The following CACNA1C variants were observed in gnomAD, a reference collection of about 807,000 sequenced individuals.
CACNA1C encodes calcium voltage-gated channel subunit alpha1 C.
A neutral mutation model predicts 229.0 loss-of-function variants in CACNA1C; 30 were observed. That is an observed-to-expected ratio of 0.13 (90% CI 0.10 to 0.18). The LOEUF (loss-of-function observed/expected upper bound fraction) is 0.18, where lower values mean the gene tolerates loss of function less well. Ranked by LOEUF, CACNA1C falls within the 10% of genes least tolerant of loss-of-function variation. The pLI, the probability that CACNA1C is intolerant of heterozygous loss-of-function variation, is 1.00. For synonymous variants in CACNA1C, 1,114 were observed against 1,132.5 expected (o/e 0.98, Z 0.33); for missense variants, 1,658 against 2,845.0 (o/e 0.58, Z 9.49).
intron 12 of CACNA1C, among the ~76,000 whole-genome samples, chr12:2,567,282 C>T (rs138457308): frequency 6.6e-6 from 1 of 152,302 alleles, no homozygotes; most frequent in Non-Finnish European, 1.5e-5. Flanking sequence ...TGAAAATGGG[C>T]ATGACGATGG....
At position 2,566,343 on chromosome 12, in the gene CACNA1C, G is replaced by A. The variant is rs878858887; in HGVS notation, c.1509-79G>A. ...GCCAGATCAGTGAGGGGCGAGAAGA[G>A]CCATGGTGCTGCATCTTGGGTTGGA... On this transcript the variant is annotated intron_variant, in intron 11 of 46. Transcript: ENST00000399655. The surrounding 1 kb of genome is among the most constrained non-coding windows in gnomAD (Gnocchi z 4.0). 6 of 1,310,164 alleles carry A rather than the reference G, an allele frequency of 4.6e-6. No homozygotes were observed. Among genetic ancestry groups the A allele is most frequent in the Non-Finnish European group, 6.3e-6 (6 of 951,388 alleles). 81.2% of individuals were successfully genotyped at this position (1,310,164 alleles called of 1,614,324 possible).
intron 3 of CACNA1C, among the ~76,000 whole-genome samples, chr12:2,161,485 C>T (rs1397672740): frequency 3.9e-5 from 6 of 152,224 alleles, no homozygotes; most frequent in East Asian, 1.9e-4. Context: ...CCAGGGGCCC[C>T]GCCTGTCACC....
chr12:2,245,856 C>T (rs917453301), intron 3 of CACNA1C, among the ~76,000 whole-genome samples: 5 of 152,186 alleles, frequency 3.3e-5, no homozygotes, highest in African/African-American at 7.2e-5. Context: ...TGTGCTATTA[C>T]ATACAGTAGA....
In CACNA1C at chr12:1,971,550, C is replaced by T. The variant is rs995619553; in HGVS notation, c.139+349C>T. ...GACTTCATGTCTGGATTTTTTAGGT[C>T]CACAAAGACAAGGCAGAGAGCAAGC... On this transcript the variant is annotated intron_variant, in intron 1 of 46. Coordinates refer to the CACNA1C transcript ENST00000682462. The surrounding 1 kb of genome is among the most constrained non-coding windows in gnomAD (Gnocchi z 4.2). Among the ~76,000 whole-genome samples the T allele has an allele frequency of 3.3e-5, 5 of 152,236 alleles. No individual in the cohort carries two copies. The South Asian group carries it at 1.0e-3, about 32-fold the overall frequency.
At position 2,488,570 on chromosome 12, in the gene CACNA1C, G is replaced by A. The variant is rs111994880; in HGVS notation, c.916+2308G>A. Among the ~76,000 whole-genome samples the A allele has an allele frequency of 6.6e-6, 1 of 152,176 alleles. No homozygotes were observed. The highest frequency in any genetic ancestry group is 2.4e-5 in the African/African-American group (1 of 41,428). On this transcript the variant is annotated intron_variant, in intron 6 of 46. Coordinates refer to ENST00000399655, the MANE Select transcript of CACNA1C (RefSeq NM_000719.7). This position sits in a 1 kb window ranked among gnomAD's most constrained non-coding sequence, Gnocchi z 4.0. ...GACCAGGAAAAGTGCCTGAGAAGTT[G>A]CCTCCTACCAAGAGACTCATCAGAT...
At position 2,354,341 on chromosome 12, in the gene CACNA1C, G is replaced by A. The variant is rs911724927; in HGVS notation, c.478-94635G>A. Among the ~76,000 whole-genome samples, 25 of 152,256 alleles carry A rather than the reference G, an allele frequency of 1.6e-4. No homozygotes were observed. The highest frequency in any genetic ancestry group is 5.8e-4 in the African/African-American group (24 of 41,578). ...GCACACAGCTTGTGTTTCCTCTGGC[G>A]CCTCTAGGTCGCTCTGCAGCCACCT... On this transcript the variant is annotated intron_variant, in intron 3 of 46. Coordinates refer to ENST00000399655, the MANE Select transcript of CACNA1C (RefSeq NM_000719.7). This position sits in a 1 kb window ranked among gnomAD's most constrained non-coding sequence, Gnocchi z 4.6.
At position 2,319,366 on chromosome 12, in the gene CACNA1C, G is replaced by A. The variant is rs2095855281; in HGVS notation, c.478-129610G>A. On this transcript the variant is annotated intron_variant, in intron 3 of 46. Transcript: ENST00000399655. This position sits in a 1 kb window ranked among gnomAD's most constrained non-coding sequence, Gnocchi z 4.0. Reference sequence around the variant, plus strand: ...TACATGGGGGCAGTGTGCTTGGTAGGCAGCGTACCTGATGGGTGGCGTACA... The same window carrying A: ...TACATGGGGGCAGTGTGCTTGGTAGACAGCGTACCTGATGGGTGGCGTACA... 6.6e-6 allele frequency among the ~76,000 whole-genome samples: 1 copy of A among 152,042 alleles called. No homozygotes were observed. The highest frequency in any genetic ancestry group is 1.5e-5 in the Non-Finnish European group (1 of 67,980).
intron 3 of CACNA1C, among the ~76,000 whole-genome samples, chr12:2,264,761 C>T (rs2081670663): frequency 6.6e-6 from 1 of 152,224 alleles, no homozygotes; most frequent in South Asian, 2.1e-4. Context: ...AGTACTTCCT[C>T]AAGAGATATC....
At chr12:2,462,235 T>C (rs920764006) in intron 5 of CACNA1C, among the ~76,000 whole-genome samples, 54 of 151,258 alleles carry the variant, frequency 3.6e-4, no homozygotes, top group Admixed American at 3.5e-3. Context: ...GCGCACCTCC[T>C]TGGCCCCCAC....
In CACNA1C at chr12:2,605,214, G is replaced by T. The variant is rs552765536; in HGVS notation, c.3048+46G>T. On this transcript the variant is annotated intron_variant, in intron 23 of 46. Transcript: ENST00000399655. The surrounding 1 kb of genome is among the most constrained non-coding windows in gnomAD (Gnocchi z 6.2). ...GGGAGTCTCCAGCCAGCCCATTGGG[G>T]AGTGGGAGCTCCACAGAGGTGAGGG... 2 of 1,339,422 alleles carry T rather than the reference G, an allele frequency of 1.5e-6. No homozygotes were observed. The highest frequency in any genetic ancestry group is 1.4e-5 in the African/African-American group (1 of 69,614). 83.0% of individuals were successfully genotyped at this position (1,339,422 alleles called of 1,614,324 possible). A position where few individuals can be genotyped will look rare whatever the true frequency, so the allele number is the denominator to read the frequency against.
rs534676988 is a variant in CACNA1C, at chr12:2,420,760, G to T, written c.478-28216G>T. ...GGGACCTGGGTAGGAATCACAGCAG[G>T]ATTCCAGCCCTGGCTCTGCGCCTTG... is the stretch of plus-strand genomic sequence containing the variant. On this transcript the variant is annotated intron_variant, in intron 3 of 46. Transcript: ENST00000399655. Among the ~76,000 whole-genome samples, 10 of 152,360 alleles carry T rather than the reference G, an allele frequency of 6.6e-5. 1 individual carries two copies. In the South Asian group the frequency reaches 2.1e-3, roughly 32 times the overall value.
At chr12:2,135,963 C>T (rs1215713646) in intron 3 of CACNA1C, among the ~76,000 whole-genome samples, 3 of 149,942 alleles carry the variant, frequency 2.0e-5, no homozygotes, top group East Asian at 3.9e-4. Context: ...AGCGAGACTC[C>T]GTGGGCGTAG....
intron 4 of CACNA1C, 104 bp from the exon 5 acceptor site, chr12:2,457,463 C>T (rs141837946): frequency 6.3e-6 from 8 of 1,264,170 alleles, no homozygotes; most frequent in Middle Eastern, 2.0e-4. Flanking sequence ...GGGCTGGAGA[C>T]GCCTGCGCAA....
At position 2,067,389 on chromosome 12, in the gene CACNA1C, T is replaced by G. The variant is rs1001899972; in HGVS notation, c.49+13778T>G. 5.3e-5 allele frequency among the ~76,000 whole-genome samples: 8 copies of G among 150,954 alleles called. No homozygotes were observed. In the East Asian group the frequency reaches 1.6e-3, roughly 30 times the overall value. ...TAACAGGAAGAAGATGACAAAAGCC[T>G]GGGTGGTGGAGATGGTGGCAGTTTA... On this transcript the variant is annotated intron_variant, in intron 1 of 46. Coordinates refer to ENST00000399655, the MANE Select transcript of CACNA1C (RefSeq NM_000719.7). This position sits in a 1 kb window ranked among gnomAD's most constrained non-coding sequence, Gnocchi z 5.3.
chr12:1,981,954 G>A (rs1026440712), intron 1 of CACNA1C, among the ~76,000 whole-genome samples: 17 of 152,182 alleles, frequency 1.1e-4, no homozygotes, highest in Middle Eastern at 3.2e-3. Context: ...TTAGGCAAGC[G>A]TGCAAGAGTA....
chr12:2,125,794 C>T (rs1398790755), intron 3 of CACNA1C, among the ~76,000 whole-genome samples: 1 of 152,192 alleles, frequency 6.6e-6, no homozygotes, highest in South Asian at 2.1e-4. Flanking sequence ...TCAGCTCCCT[C>T]CGCAATCAGC....
chr12:2,232,397 A>G (rs1361335027), intron 3 of CACNA1C, among the ~76,000 whole-genome samples: 1 of 152,098 alleles, frequency 6.6e-6, no homozygotes, highest in East Asian at 1.9e-4. Context: ...TACTAAATGC[A>G]TACTTCTGAA....
intron 1 of CACNA1C, among the ~76,000 whole-genome samples, chr12:2,005,408 TGAAA>T (rs1317943307): frequency 1.1e-4 from 16 of 152,332 alleles, no homozygotes; most frequent in African/African-American, 3.8e-4. Flanking sequence ...CATTTTTACT[TGAAA>T]GAAAGATGGG....
At chr12:2,159,848 C>T (rs779366263) in intron 3 of CACNA1C, among the ~76,000 whole-genome samples, 5 of 152,210 alleles carry the variant, frequency 3.3e-5, no homozygotes, top group Non-Finnish European at 7.3e-5. Flanking sequence ...AGGTGATCTG[C>T]CCGCCTCGGC....
Sources: gnomAD v4.1 joint callset for allele counts (sites outside exome capture counted in the v4.1 genomes callset) on GRCh38, gnomAD v4.1.1 for gene constraint, Gnocchi (gnomAD v3.1) non-coding constraint, MANE v1.5 for transcripts, NCBI Gene and HGNC (gene_info 2026-07-23, HGNC 2026-07-21) for gene names.